Variants in STPG2 observed in about 807,000 individuals in gnomAD.
STPG2 encodes the protein sperm-tail PG-rich repeat-containing protein 2.
Under a neutral mutation model 54.2 loss-of-function variants are expected in STPG2, and 56 were observed. The ratio of observed to expected loss-of-function variants is 1.03; its 90% CI spans 0.83 to 1.29. STPG2 has a LOEUF of 1.29. Among genes scored for constraint, STPG2 ranks in the 50% most tolerant of loss-of-function variants. The probability of loss-of-function intolerance (pLI) is 0.00; values close to 1 mark genes in which losing one functional copy is unlikely to be tolerated. For synonymous variants in STPG2, 200 were observed against 181.8 expected (o/e 1.10, Z -0.81); for missense variants, 596 against 544.9 (o/e 1.09, Z -0.93).
At chr4:98,055,529 C>T (rs1737453552) in intron 5 of STPG2, among the ~76,000 whole-genome samples, 1 of 152,168 alleles carries the variant, frequency 6.6e-6, no homozygotes. Context: ...AACCCACTCT[C>T]ACCATGGGCC....
intron 10 of STPG2, among the ~76,000 whole-genome samples, chr4:97,612,780 T>C (rs1459043226): frequency 6.6e-6 from 1 of 152,000 alleles, no homozygotes; most frequent in Non-Finnish European, 1.5e-5. Context: ...AATGCAAATA[T>C]ACTTAACTAC....
intron 8 of STPG2, among the ~76,000 whole-genome samples, chr4:97,899,647 G>C (rs1315564386): frequency 6.6e-6 from 1 of 151,924 alleles, no homozygotes; most frequent in East Asian, 1.9e-4. Context: ...GAACAGAATA[G>C]AGCACCCAGA....
intron 10 of STPG2, among the ~76,000 whole-genome samples, chr4:97,632,294 T>A (rs1721314685): frequency 6.6e-6 from 1 of 151,160 alleles, no homozygotes; most frequent in Non-Finnish European, 1.5e-5. Flanking sequence ...GGTTTTTTTT[T>A]TTTTTATTTC....
At chr4:97,908,990 A>G (rs1451433649) in intron 8 of STPG2, among the ~76,000 whole-genome samples, 2 of 148,452 alleles carry the variant, frequency 1.3e-5, no homozygotes, top group African/African-American at 5.0e-5. Context: ...CATTGTGCAC[A>G]TGTACCCTAA....
rs77426282 is a variant in STPG2, at chr4:97,885,746, G to C, written c.1045-44814C>G. Among the ~76,000 whole-genome samples, 4 of 152,226 alleles carry C rather than the reference G, an allele frequency of 2.6e-5. No homozygotes were observed. In the South Asian group the frequency reaches 8.3e-4, roughly 32 times the overall value. ...ATAGTTTCTGGAAGGTCAGTTGTGGGAATTGTGTATCCATGGACGTTGGTA... is the reference window on the plus strand; with the variant it reads ...ATAGTTTCTGGAAGGTCAGTTGTGGCAATTGTGTATCCATGGACGTTGGTA... On this transcript the variant is annotated intron_variant, in intron 8 of 10. Coordinates refer to ENST00000295268, the MANE Select transcript of STPG2 (RefSeq NM_174952.3).
intron 4 of STPG2, among the ~76,000 whole-genome samples, chr4:97,496,148 T>A (rs952171065): frequency 2.0e-5 from 3 of 151,724 alleles, no homozygotes; most frequent in African/African-American, 7.2e-5. Context: ...TTGTATTGCC[T>A]TAAACCTAAA....
At chr4:97,552,276 AGTT>A (rs1364642845) in intron 4 of STPG2, among the ~76,000 whole-genome samples, 1 of 152,082 alleles carries the variant, frequency 6.6e-6, no homozygotes, top group Admixed American at 6.6e-5. Context: ...TACAACATAA[AGTT>A]GTTGTGAGAA....
intron 10 of STPG2, among the ~76,000 whole-genome samples, chr4:97,651,505 T>C (rs1301221373): frequency 6.6e-6 from 1 of 152,090 alleles, no homozygotes; most frequent in Non-Finnish European, 1.5e-5. Flanking sequence ...ATCATCAAGG[T>C]AGAATTTGAA....
chr4:97,545,233 T>A (rs955907841), intron 4 of STPG2, among the ~76,000 whole-genome samples: 8 of 152,052 alleles, frequency 5.3e-5, no homozygotes, highest in African/African-American at 1.9e-4. Context: ...ATTTAGTGCA[T>A]CCAAGGAGGG....
intron 9 of STPG2, among the ~76,000 whole-genome samples, chr4:97,829,131 G>A (rs940057751): frequency 6.6e-6 from 1 of 152,118 alleles, no homozygotes. Context: ...AGCTGTGGCT[G>A]GCATCCGGTG....
At chr4:97,874,699 T>C (rs1277064885) in intron 8 of STPG2, among the ~76,000 whole-genome samples, 2 of 151,878 alleles carry the variant, frequency 1.3e-5, no homozygotes, top group African/African-American at 2.4e-5. Context: ...TGTATATATG[T>C]ATATCCTATG....
At chr4:97,573,216 AT>A (rs1191657277) in intron 10 of STPG2, among the ~76,000 whole-genome samples, 2 of 152,014 alleles carry the variant, frequency 1.3e-5, no homozygotes, top group Non-Finnish European at 2.9e-5. Flanking sequence ...ACTTTTTATA[AT>A]TGGAAAATAA....
intron 3 of STPG2, among the ~76,000 whole-genome samples, chr4:98,121,201 G>C (rs913958333): frequency 6.6e-6 from 1 of 152,186 alleles, no homozygotes; most frequent in Non-Finnish European, 1.5e-5. Flanking sequence ...TTGAAGATCA[G>C]ATATGCAATG....
chr4:98,098,008 G>A (rs1267190185), intron 5 of STPG2, among the ~76,000 whole-genome samples: 1 of 152,068 alleles, frequency 6.6e-6, no homozygotes, highest in Admixed American at 6.6e-5. Flanking sequence ...CTTGTTCATC[G>A]ATTGGAAGAA....
intron 5 of STPG2, among the ~76,000 whole-genome samples, chr4:98,012,673 G>A (rs1342646697): frequency 2.6e-5 from 4 of 152,144 alleles, no homozygotes; most frequent in Non-Finnish European, 4.4e-5. Flanking sequence ...CACATCCCTT[G>A]TTAACTGTAT....
At chr4:97,604,721 C>T (rs911587804) in intron 10 of STPG2, among the ~76,000 whole-genome samples, 1 of 151,614 alleles carries the variant, frequency 6.6e-6, no homozygotes, top group Admixed American at 6.6e-5. Flanking sequence ...GTTAATAATA[C>T]TTGAGAAATG....
At chr4:97,580,743 C>T (rs1475856517) in intron 10 of STPG2, among the ~76,000 whole-genome samples, 1 of 151,978 alleles carries the variant, frequency 6.6e-6, no homozygotes, top group African/African-American at 2.4e-5. Flanking sequence ...AGACAACCAC[C>T]ATTTGATGTG....
intron 8 of STPG2, among the ~76,000 whole-genome samples, chr4:97,907,539 A>C (rs1166733615): frequency 6.6e-6 from 1 of 151,972 alleles, no homozygotes; most frequent in Non-Finnish European, 1.5e-5. Flanking sequence ...TATGGAACCA[A>C]AAAAGAGCCT....
chr4:97,877,514 G>A (rs957411355), intron 8 of STPG2, among the ~76,000 whole-genome samples: 1 of 152,132 alleles, frequency 6.6e-6, no homozygotes, highest in African/African-American at 2.4e-5. Context: ...GAAAGGCAAA[G>A]GCATGTCTTA....
Sources: gnomAD v4.1 joint callset for allele counts (sites outside exome capture counted in the v4.1 genomes callset) on GRCh38, gnomAD v4.1.1 for gene constraint, MANE v1.5 for transcripts, NCBI Gene and HGNC (gene_info 2026-07-23, HGNC 2026-07-21) for gene names.